Variants in SIRT4 observed in about 807,000 individuals in gnomAD.
SIRT4 encodes the protein sirtuin 4.
A neutral mutation model predicts 26.1 loss-of-function variants in SIRT4; 23 were observed. That is an observed-to-expected ratio of 0.88 (90% CI 0.63 to 1.25). The LOEUF (loss-of-function observed/expected upper bound fraction) is 1.25. Among genes scored for constraint, SIRT4 ranks in the 50% most tolerant of loss-of-function variants. The pLI is 0.00. For synonymous variants in SIRT4, 155 were observed against 158.4 expected, an observed-to-expected ratio of 0.98 and a Z score of 0.16; for missense variants, 361 against 405.4, an observed-to-expected ratio of 0.89 and a Z score of 0.94.
the SIRT4 span, among the ~76,000 whole-genome samples, chr12:120,292,133 C>A: frequency 6.6e-6 from 1 of 152,206 alleles, no homozygotes; most frequent in Non-Finnish European, 1.5e-5. Context: ...TTATGCAAAT[C>A]AACGTGACGT....
chr12:120,292,672 A>T, the SIRT4 span, among the ~76,000 whole-genome samples: 5 of 151,830 alleles, frequency 3.3e-5, no homozygotes, highest in African/African-American at 7.3e-5. Flanking sequence ...CCCTGCATTT[A>T]CCTTAAAAGT....
At chr12:120,293,021 CTCT>C in the SIRT4 span, 2 of 150,614 alleles carry the variant, frequency 1.3e-5, no homozygotes, top group Non-Finnish European at 2.9e-5. Context: ...CGAACAAGTA[CTCT>C]TCAACCTCCC....
chr12:120,310,183 A>T (rs545592982), intron 2 of SIRT4, among the ~76,000 whole-genome samples: 50 of 151,300 alleles, frequency 3.3e-4, no homozygotes, highest in African/African-American at 1.2e-3. Flanking sequence ...TAGTCTCAGC[A>T]CTTTGGGAGG....
Position 120,312,968 on chromosome 12 carries a change from G to T in SIRT4, c.877G>T (p.Asp293Tyr). The T allele has an allele frequency of 1.2e-6, 2 of 1,614,182 alleles. No homozygotes were observed. The highest frequency in any genetic ancestry group is 1.7e-6 in the Non-Finnish European group (2 of 1,180,050). The part of the protein sequence containing the change: ...AILNIGPTRS[D>Y]DLACLKLNSR... The stretch of plus-strand genomic sequence containing the variant: ...ACTGAACATTGGGCCCACACGGTCG[G>T]ATGACTTGGCGTGTCTGAAACTGAA... Residue 293 changes from aspartate (D) to tyrosine (Y), a missense_variant, in exon 4 of 4, where the codon GAT becomes TAT. Coordinates refer to ENST00000202967, the MANE Select transcript of SIRT4 (RefSeq NM_012240.3).
chr12:120,292,880 C>T, the SIRT4 span, among the ~76,000 whole-genome samples: 2 of 152,166 alleles, frequency 1.3e-5, no homozygotes, highest in South Asian at 4.1e-4. Context: ...CTGCTTTTAC[C>T]TTAAAAGTAG....
chr12:120,296,516 G>GT, the SIRT4 span, among the ~76,000 whole-genome samples: 1,737 of 117,682 alleles, frequency 0.015, 14 homozygotes, highest in Non-Finnish European at 0.025. Context: ...TTTTTTTTTT[G>GT]TTTTTTTTTT....
chr12:120,294,246 G>A, the SIRT4 span, among the ~76,000 whole-genome samples: 5 of 150,978 alleles, frequency 3.3e-5, no homozygotes, highest in Admixed American at 2.0e-4. Flanking sequence ...TGCCTGCCTC[G>A]GCCTCCCAAA....
chr12:120,312,694 G>A lies in SIRT4; in HGVS notation c.736G>A (p.Val246Met). ...DTVNPDKVDF[V>M]HKRVKEADSL... is the part of the protein sequence containing the mutation. Reference sequence around the variant, plus strand: ...AGTGAACCCTGACAAGGTTGATTTTGTGCACAAGCGTGTAAAAGAAGCCGA... The same window carrying A: ...AGTGAACCCTGACAAGGTTGATTTTATGCACAAGCGTGTAAAAGAAGCCGA... The change falls in exon 3 of 4, where the codon GTG (valine) becomes ATG (methionine). Residue 246 changes from valine to methionine, a missense_variant. Val to Met is a conservative substitution (Grantham distance 21). Coordinates refer to ENST00000202967, the MANE Select transcript of SIRT4 (RefSeq NM_012240.3). The A allele has an allele frequency of 6.2e-7, 1 of 1,614,112 alleles. No individual in the cohort carries two copies. Among genetic ancestry groups the A allele is most frequent in the Non-Finnish European group, 8.5e-7 (1 of 1,180,030 alleles).
intron 2 of SIRT4, among the ~76,000 whole-genome samples, chr12:120,306,407 G>A (rs1264060784): frequency 6.6e-6 from 1 of 151,894 alleles, no homozygotes; most frequent in Non-Finnish European, 1.5e-5. Context: ...CCCAAGAGGC[G>A]GAGGTTGCGG....
At chr12:120,307,379 C>T (rs1872781301) in intron 2 of SIRT4, among the ~76,000 whole-genome samples, 1 of 151,948 alleles carries the variant, frequency 6.6e-6, no homozygotes, top group Non-Finnish European at 1.5e-5. Context: ...GTCCCAGCTA[C>T]TCGGGAGGCT....
At chr12:120,299,272 C>T (rs372279471), upstream of SIRT4, among the ~76,000 whole-genome samples, 329 of 150,256 alleles carry the variant, frequency 2.2e-3, 2 homozygotes, top group Non-Finnish European at 3.4e-3. Flanking sequence ...ATAAAAGTGG[C>T]GGGGTGCAGT....
chr12:120,302,569 C>T (rs751125740), intron 1 of SIRT4, among the ~76,000 whole-genome samples, 191 bp downstream of exon 1: 5 of 152,006 alleles, frequency 3.3e-5, no homozygotes, highest in Admixed American at 2.0e-4. Flanking sequence ...CAGCTGTTCA[C>T]GTTTTGCTGT....
chr12:120,304,831 ATATATTTTTT>A (rs1402236779), intron 2 of SIRT4, among the ~76,000 whole-genome samples: 6 of 5,612 alleles, frequency 1.1e-3, no homozygotes, highest in African/African-American at 2.5e-3. Context: ...ATATATATAT[ATATATTTTTT>A]TTTTTTTTTT....
At chr12:120,301,627 C>G (rs949131003), upstream of SIRT4, among the ~76,000 whole-genome samples, 1 of 151,934 alleles carries the variant, frequency 6.6e-6, no homozygotes, top group Non-Finnish European at 1.5e-5. Context: ...TGGTGAAACT[C>G]TGTCTCTACT....
At chr12:120,300,788 C>T (rs1245532999), upstream of SIRT4, among the ~76,000 whole-genome samples, 1 of 152,116 alleles carries the variant, frequency 6.6e-6, no homozygotes, top group Non-Finnish European at 1.5e-5. Context: ...CTTAGGTGGT[C>T]TTCAAGGTCC....
intron 2 of SIRT4, among the ~76,000 whole-genome samples, chr12:120,304,822 TATATATATATATA>T (rs1196312134): frequency 2.8e-5 from 1 of 35,642 alleles, no homozygotes; most frequent in South Asian, 1.1e-3. Flanking sequence ...TATATATATA[TATATATATATATA>T]TTTTTTTTTT....
the SIRT4 span, among the ~76,000 whole-genome samples, chr12:120,294,682 T>C: frequency 6.6e-6 from 1 of 151,480 alleles, no homozygotes; most frequent in Non-Finnish European, 1.5e-5. Context: ...TTCAGCTGGA[T>C]ACTTTCTGTA....
chr12:120,293,967 T>G, the SIRT4 span, among the ~76,000 whole-genome samples: 1 of 150,316 alleles, frequency 6.7e-6, no homozygotes, highest in South Asian at 2.1e-4. Context: ...AATTCATTAA[T>G]TTTATGGCTG....
chr12:120,308,305 G>A (rs1451753759), intron 2 of SIRT4, among the ~76,000 whole-genome samples: 1 of 151,872 alleles, frequency 6.6e-6, no homozygotes, highest in Non-Finnish European at 1.5e-5. Flanking sequence ...AAGTAGTTGG[G>A]ATTACAGGTG....
Sources: allele counts gnomAD v4.1 joint callset (sites outside exome capture counted in the v4.1 genomes callset), GRCh38; gene constraint gnomAD v4.1.1; transcripts MANE v1.5; gene names NCBI Gene and HGNC (gene_info 2026-07-23, HGNC 2026-07-21).